BLTP3B: variants seen among roughly 807,000 people sequenced by gnomAD.
BLTP3B encodes bridge-like lipid transfer protein family member 3B, also known as UHRF1 (ICBP90) binding protein 1-like.
the BLTP3B span, among the ~76,000 whole-genome samples, chr12:100,124,921 TAAAA>T: frequency 1.2e-5 from 1 of 86,428 alleles, no homozygotes; most frequent in Non-Finnish European, 2.3e-5. Context: ...GACCCTGCCT[TAAAA>T]AAAAAAAATT....
chr12:100,124,482 C>T, the BLTP3B span, among the ~76,000 whole-genome samples: 2 of 151,922 alleles, frequency 1.3e-5, no homozygotes, highest in Admixed American at 6.6e-5. Flanking sequence ...TGGTGGCTCA[C>T]GCCTGTGATC....
At chr12:100,102,126 T>C in the BLTP3B span, among the ~76,000 whole-genome samples, 3 of 151,090 alleles carry the variant, frequency 2.0e-5, no homozygotes, top group East Asian at 3.9e-4. Context: ...TTTTTTTTTT[T>C]TGAGACGGAG....
chr12:100,127,142 A>C, the BLTP3B span, among the ~76,000 whole-genome samples: 3 of 152,254 alleles, frequency 2.0e-5, no homozygotes, highest in Non-Finnish European at 4.4e-5. Context: ...ATACTTCACG[A>C]GCAAGCGTCT....
At chr12:100,116,839 C>T in the BLTP3B span, among the ~76,000 whole-genome samples, 1 of 152,070 alleles carries the variant, frequency 6.6e-6, no homozygotes, top group African/African-American at 2.4e-5. Context: ...TGTAGAAAAT[C>T]ATACAGAATT....
the BLTP3B span, among the ~76,000 whole-genome samples, chr12:100,094,145 AT>A: frequency 6.6e-6 from 1 of 152,164 alleles, no homozygotes; most frequent in Admixed American, 6.5e-5. Flanking sequence ...TTGGAAACAG[AT>A]CTCACTCTGT....
chr12:100,137,025 G>A, the BLTP3B span, among the ~76,000 whole-genome samples: 3 of 152,048 alleles, frequency 2.0e-5, no homozygotes, highest in Non-Finnish European at 4.4e-5. Context: ...TGGTCAGACT[G>A]GTCTCGAACT....
At chr12:100,060,114 A>T in the BLTP3B span, 12 of 1,197,864 alleles carry the variant, frequency 1.0e-5, no homozygotes, top group Non-Finnish European at 1.4e-5. Flanking sequence ...AACAAAAAAT[A>T]CATGTTTAGT....
chr12:100,120,793 A>AAG, the BLTP3B span, among the ~76,000 whole-genome samples: 13,335 of 149,532 alleles, frequency 0.089, 784 homozygotes, highest in African/African-American at 0.16. Flanking sequence ...ACAATTATGT[A>AAG]AGAGAGAGAG....
At chr12:100,130,309 T>C in the BLTP3B span, among the ~76,000 whole-genome samples, 2 of 152,164 alleles carry the variant, frequency 1.3e-5, no homozygotes, top group East Asian at 3.9e-4. Context: ...ACCACCTCTG[T>C]TTCACCGTCT....
At chr12:100,058,439 A>C in the BLTP3B span, 1 of 1,613,250 alleles carries the variant, frequency 6.2e-7, no homozygotes, top group South Asian at 1.1e-5. Flanking sequence ...TAAAAAGCAA[A>C]GGATCCTTTA....
At chr12:100,037,418 G>C in the BLTP3B span, 14 of 1,277,532 alleles carry the variant, frequency 1.1e-5, no homozygotes, top group East Asian at 8.1e-5. Context: ...CAGCTTAAAA[G>C]AGGGTTAAGC....
At chr12:100,128,861 A>G in the BLTP3B span, 2 of 731,140 alleles carry the variant, frequency 2.7e-6, no homozygotes, top group Non-Finnish European at 3.5e-6. Context: ...CACTGGATTC[A>G]CTAAAGGCAA....
the BLTP3B span, chr12:100,097,395 T>C: frequency 7.8e-4 from 1,255 of 1,612,792 alleles, 12 homozygotes; most frequent in African/African-American, 0.014. Flanking sequence ...TGATTTTTGA[T>C]TGGTTGGTTA....
At chr12:100,050,964 G>T in the BLTP3B span, 2 of 1,377,692 alleles carry the variant, frequency 1.5e-6, no homozygotes, top group African/African-American at 1.5e-5. Flanking sequence ...AAATTGAATT[G>T]CCCACCATCT....
the BLTP3B span, among the ~76,000 whole-genome samples, chr12:100,068,585 T>G: frequency 1.4e-4 from 21 of 152,252 alleles, no homozygotes; most frequent in Non-Finnish European, 2.5e-4. Context: ...CTCTTCACAA[T>G]CTATATACAT....
chr12:100,052,243 A>G, the BLTP3B span, among the ~76,000 whole-genome samples: 1 of 151,846 alleles, frequency 6.6e-6, no homozygotes, highest in South Asian at 2.1e-4. Context: ...GGGTTTCACT[A>G]TGTTAGCCAG....
chr12:100,086,524 T>G, the BLTP3B span, among the ~76,000 whole-genome samples: 2 of 152,186 alleles, frequency 1.3e-5, no homozygotes, highest in Non-Finnish European at 2.9e-5. Context: ...CCAATGAGTA[T>G]TTACTGAGCC....
the BLTP3B span, among the ~76,000 whole-genome samples, chr12:100,055,651 T>C: frequency 2.3e-5 from 3 of 129,792 alleles, no homozygotes; most frequent in Non-Finnish European, 4.7e-5. Flanking sequence ...CACTCCAGCC[T>C]GGGCAGCAAG....
At chr12:100,090,108 C>A in the BLTP3B span, among the ~76,000 whole-genome samples, 3 of 152,156 alleles carry the variant, frequency 2.0e-5, no homozygotes, top group Non-Finnish European at 2.9e-5. Flanking sequence ...ATGTCTTTAT[C>A]AGCAGCGTGA....
Sources: gnomAD v4.1 joint callset for allele counts (sites outside exome capture counted in the v4.1 genomes callset) on GRCh38, gnomAD v4.1.1 for gene constraint, MANE v1.5 for transcripts, NCBI Gene and HGNC (gene_info 2026-07-23, HGNC 2026-07-21) for gene names.